Variants in HS3ST4 observed in about 807,000 individuals in gnomAD.
The protein encoded by HS3ST4 is heparan sulfate-glucosamine 3-sulfotransferase 4.
A neutral mutation model predicts 29.2 loss-of-function variants in HS3ST4; 17 were observed. The observed-to-expected ratio is 0.58, with a 90% CI of 0.40 to 0.87. The LOEUF (loss-of-function observed/expected upper bound fraction) is 0.87, where lower values mean the gene tolerates loss of function less well. HS3ST4 is among the 40% of genes least tolerant of loss of function. The pLI is 0.00. For synonymous variants in HS3ST4, 314 were observed against 285.7 expected, an observed-to-expected ratio of 1.10 and a Z score of -1.00; for missense variants, 627 against 634.5, an observed-to-expected ratio of 0.99 and a Z score of 0.13.
At chr16:25,988,668 A>G (rs919224551) in intron 1 of HS3ST4, among the ~76,000 whole-genome samples, 2 of 152,184 alleles carry the variant, frequency 1.3e-5, no homozygotes, top group African/African-American at 4.8e-5. Context: ...TGATGAGAAC[A>G]CATGGACATA....
intron 1 of HS3ST4, among the ~76,000 whole-genome samples, chr16:25,956,997 CAAAAAA>C (rs11382105): frequency 1.3e-5 from 1 of 77,832 alleles, no homozygotes; most frequent in Non-Finnish European, 2.3e-5. Context: ...GACTCCGTCT[CAAAAAA>C]AAAAAAAAAA....
intron 1 of HS3ST4, among the ~76,000 whole-genome samples, chr16:26,116,715 A>G (rs1256622373): frequency 6.6e-6 from 1 of 152,200 alleles, no homozygotes; most frequent in Non-Finnish European, 1.5e-5. Flanking sequence ...TTGTTTCTTA[A>G]CACATTTATT....
chr16:25,969,067 C>G (rs1319470266), intron 1 of HS3ST4, among the ~76,000 whole-genome samples: 1 of 152,206 alleles, frequency 6.6e-6, no homozygotes, highest in African/African-American at 2.4e-5. Context: ...GATCCACTGT[C>G]TCGGCCTCCC....
intron 1 of HS3ST4, among the ~76,000 whole-genome samples, chr16:26,046,254 G>A (rs1186746021): frequency 6.6e-6 from 1 of 150,582 alleles, no homozygotes; most frequent in East Asian, 2.0e-4. Flanking sequence ...AGGTTCAAGC[G>A]ATTCTCCTGT....
At chr16:26,051,484 A>C (rs1394980496) in intron 1 of HS3ST4, among the ~76,000 whole-genome samples, 1 of 152,060 alleles carries the variant, frequency 6.6e-6, no homozygotes, top group African/African-American at 2.4e-5. Context: ...ACAGACCCTG[A>C]GTGGTCAATA....
At chr16:25,860,084 A>G (rs1409504329) in intron 1 of HS3ST4, among the ~76,000 whole-genome samples, 1 of 152,188 alleles carries the variant, frequency 6.6e-6, no homozygotes, top group Non-Finnish European at 1.5e-5. Context: ...GAACAGTTTC[A>G]TCCCGAAACC....
chr16:25,807,205 C>T (rs753477430), intron 1 of HS3ST4, among the ~76,000 whole-genome samples: 10 of 152,164 alleles, frequency 6.6e-5, no homozygotes, highest in Non-Finnish European at 1.5e-4. Context: ...AACTCCTGAC[C>T]TCAGGTGATC....
intron 1 of HS3ST4, among the ~76,000 whole-genome samples, chr16:25,748,653 T>C (rs1414437065): frequency 6.6e-6 from 1 of 152,194 alleles, no homozygotes; most frequent in Non-Finnish European, 1.5e-5. Context: ...AGGGTTTATC[T>C]CCATCCAAAT....
chr16:25,833,304 TTCTTGATCCAAGATTGA>T (rs1326037715), intron 1 of HS3ST4, among the ~76,000 whole-genome samples: 1 of 152,130 alleles, frequency 6.6e-6, no homozygotes, highest in Non-Finnish European at 1.5e-5. Context: ...AAATCTTGGA[TTCTTGATCCAAGATTGA>T]TCTTGGAGTC....
intron 1 of HS3ST4, among the ~76,000 whole-genome samples, chr16:25,978,038 A>G (rs1423675593): frequency 1.3e-5 from 2 of 152,248 alleles, no homozygotes; most frequent in East Asian, 1.9e-4. Flanking sequence ...CTATTTCTTC[A>G]TCTGCAAAAT....
At chr16:25,975,927 C>T (rs930443738) in intron 1 of HS3ST4, among the ~76,000 whole-genome samples, 7 of 152,118 alleles carry the variant, frequency 4.6e-5, no homozygotes, top group South Asian at 2.1e-4. Flanking sequence ...ATTAATAGTA[C>T]GCTGGGATGC....
At chr16:25,733,267 T>C (rs1023044678) in intron 1 of HS3ST4, among the ~76,000 whole-genome samples, 8 of 152,224 alleles carry the variant, frequency 5.3e-5, no homozygotes, top group African/African-American at 1.9e-4. Flanking sequence ...ATAATCTTGA[T>C]TCTTTATTTC....
chr16:25,976,819 C>T (rs1284400220), intron 1 of HS3ST4, among the ~76,000 whole-genome samples: 1 of 152,186 alleles, frequency 6.6e-6, no homozygotes, highest in Non-Finnish European at 1.5e-5. Context: ...ATTCCAACAA[C>T]TCAACTCTGC....
At chr16:25,768,987 C>T (rs966662180) in intron 1 of HS3ST4, among the ~76,000 whole-genome samples, 2 of 152,156 alleles carry the variant, frequency 1.3e-5, no homozygotes, top group African/African-American at 4.8e-5. Context: ...GTCCACTCCA[C>T]TCACTGATGT....
At chr16:26,131,675 C>G (rs900425224) in intron 1 of HS3ST4, among the ~76,000 whole-genome samples, 7 of 152,210 alleles carry the variant, frequency 4.6e-5, no homozygotes, top group African/African-American at 1.7e-4. Context: ...GATGCCTCCT[C>G]TAATCTTACA....
chr16:25,790,430 A>C (rs1966866778), intron 1 of HS3ST4, among the ~76,000 whole-genome samples: 1 of 152,124 alleles, frequency 6.6e-6, no homozygotes, highest in African/African-American at 2.4e-5. Flanking sequence ...CATAAAGAAA[A>C]ACAAACAAAT....
intron 1 of HS3ST4, among the ~76,000 whole-genome samples, chr16:25,924,593 C>T (rs1389418005): frequency 6.6e-6 from 1 of 152,212 alleles, no homozygotes; most frequent in Non-Finnish European, 1.5e-5. Flanking sequence ...TCATATGTTA[C>T]CCCATTTAAG....
At chr16:25,819,170 G>A (rs909684547) in intron 1 of HS3ST4, among the ~76,000 whole-genome samples, 5 of 152,152 alleles carry the variant, frequency 3.3e-5, no homozygotes, top group East Asian at 1.9e-4. Context: ...ATTGCTGGGG[G>A]CCTCTGAGTC....
At chr16:25,950,315 A>C (rs558122916) in intron 1 of HS3ST4, among the ~76,000 whole-genome samples, 1 of 152,082 alleles carries the variant, frequency 6.6e-6, no homozygotes, top group Non-Finnish European at 1.5e-5. Flanking sequence ...CATCACTCCA[A>C]TGTAAACTGT....
Sources: allele counts gnomAD v4.1 joint callset (sites outside exome capture counted in the v4.1 genomes callset), GRCh38; gene constraint gnomAD v4.1.1; transcripts MANE v1.5; gene names NCBI Gene and HGNC (gene_info 2026-07-23, HGNC 2026-07-21).